ENPP2: variants seen among roughly 807,000 people sequenced by gnomAD.
The protein encoded by ENPP2 is autotaxin.
In ENPP2, 51 loss-of-function variants were observed where a neutral mutation model predicts 120.2. That is an observed-to-expected ratio of 0.42 (90% CI 0.34 to 0.54). The LOEUF (loss-of-function observed/expected upper bound fraction) is 0.54. Ranked by LOEUF, ENPP2 falls within the 20% of genes least tolerant of loss-of-function variation. ENPP2 has a pLI of 0.04. For synonymous variants in ENPP2, 365 were observed against 366.4 expected, an observed-to-expected ratio of 1.00 and a Z score of 0.04; for missense variants, 920 against 1,066.5, an observed-to-expected ratio of 0.86 and a Z score of 1.91.
intron 11 of ENPP2, among the ~76,000 whole-genome samples, chr8:119,599,107 G>C (rs1192336311): frequency 6.6e-6 from 1 of 152,112 alleles, no homozygotes; most frequent in Non-Finnish European, 1.5e-5. Flanking sequence ...AGCCATTCTT[G>C]CTTTGGTGTT....
At chr8:119,634,505 TA>T (rs1816882135) in intron 2 of ENPP2, among the ~76,000 whole-genome samples, 1 of 152,172 alleles carries the variant, frequency 6.6e-6, no homozygotes. Context: ...AATTATCATA[TA>T]CTTAACACCT....
rs1422899365 is a variant in ENPP2 at position 119,669,401 on chromosome 8, TG to T, written c.21+3850del. On this transcript the variant is annotated intron_variant, in intron 1 of 25. Coordinates refer to the ENPP2 transcript ENST00000427067. Reference sequence around the variant, plus strand: ...AGTTAAATCCTCCAGCACCTATTACTGTTTTTTAATAGATAATAAAATCATC... The same window carrying T: ...AGTTAAATCCTCCAGCACCTATTACTTTTTTTAATAGATAATAAAATCATC... Among the ~76,000 whole-genome samples, 54 of 152,366 alleles carry T rather than the reference TG, an allele frequency of 3.5e-4. No individual in the cohort carries two copies. The South Asian group carries it at 0.011, about 32-fold the overall frequency.
chr8:119,597,324 C>T (rs1406925945), intron 11 of ENPP2, among the ~76,000 whole-genome samples: 2 of 152,194 alleles, frequency 1.3e-5, no homozygotes, highest in African/African-American at 2.4e-5. Context: ...GTCGGCCCAT[C>T]AAACTCTATG....
Position 119,579,894 on chromosome 8 carries a change from T to TGTACTTTTCA in ENPP2, c.1780+221_1780+222insTGAAAAGTAC, listed in dbSNP as rs1812608539. Among the ~76,000 whole-genome samples the TGTACTTTTCA allele has an allele frequency of 9.2e-5, 14 of 152,266 alleles. No individual in the cohort carries two copies. In the South Asian group the frequency reaches 2.9e-3, roughly 32 times the overall value. ...ACTTTTCAGAGGGCTTAAAAGCTATTGAGGGGGGAGAAAAGCTATTGGAAT... is the reference window on the plus strand; with the variant it reads ...ACTTTTCAGAGGGCTTAAAAGCTATTGTACTTTTCAGAGGGGGGAGAAAAGCTATTGGAAT... On this transcript the variant is annotated intron_variant, in intron 19 of 24. Transcript: ENST00000075322.
intron 3 of ENPP2, among the ~76,000 whole-genome samples, chr8:119,624,444 A>C (rs60348259): frequency 6.6e-6 from 1 of 152,256 alleles, no homozygotes; most frequent in African/African-American, 2.4e-5. Flanking sequence ...AGAAACATAA[A>C]CTTTCAGAAG....
At chr8:119,559,181 G>A (rs959626714) in intron 24 of ENPP2, among the ~76,000 whole-genome samples, 3 of 152,160 alleles carry the variant, frequency 2.0e-5, no homozygotes, top group South Asian at 2.1e-4. Context: ...GTACTGACCA[G>A]TCCTCAGTGT....
chr8:119,620,600 A>T (rs1815820748), intron 4 of ENPP2, among the ~76,000 whole-genome samples: 2 of 152,252 alleles, frequency 1.3e-5, no homozygotes, highest in Non-Finnish European at 1.5e-5. Context: ...ACTTACAAAC[A>T]ATAGATAAAG....
chr8:119,563,674 G>A (rs1040176487), intron 23 of ENPP2, among the ~76,000 whole-genome samples: 4 of 151,898 alleles, frequency 2.6e-5, no homozygotes, highest in African/African-American at 7.3e-5. Flanking sequence ...TCCTTGCCTG[G>A]TTTTCTATTA....
intron 24 of ENPP2, among the ~76,000 whole-genome samples, chr8:119,561,821 GTGTGTGTGTA>G (rs1460160239): frequency 6.6e-6 from 1 of 151,962 alleles, no homozygotes; most frequent in Non-Finnish European, 1.5e-5. Flanking sequence ...GTGTTTGTGT[GTGTGTGTGTA>G]TGTGTGTGTA....
chr8:119,633,815 T>C (rs1162520032), intron 2 of ENPP2, among the ~76,000 whole-genome samples: 2 of 148,684 alleles, frequency 1.3e-5, no homozygotes, highest in Non-Finnish European at 3.0e-5. Flanking sequence ...CCAGATTTCA[T>C]AAACTTTTTT....
At chr8:119,630,227 G>A (rs1389723876) in intron 2 of ENPP2, among the ~76,000 whole-genome samples, 2 of 151,876 alleles carry the variant, frequency 1.3e-5, no homozygotes, top group Non-Finnish European at 2.9e-5. Flanking sequence ...TCCTGCCTCA[G>A]CCTCCTGAGT....
Position 119,574,894 on chromosome 8 carries a change from A to G in ENPP2, c.1781-4053T>C, listed in dbSNP as rs1812225350. ...GAGATTTGATTTAAGGCCTCTCTTTAGTGCCCTGTTCTTTCTTACCCCAAC... is the reference window on the plus strand; with the variant it reads ...GAGATTTGATTTAAGGCCTCTCTTTGGTGCCCTGTTCTTTCTTACCCCAAC... On this transcript the variant is annotated intron_variant, in intron 19 of 24. Transcript: ENST00000075322. Among the ~76,000 whole-genome samples the G allele has an allele frequency of 2.0e-5, 3 of 152,090 alleles. No homozygotes were observed. The South Asian group carries it at 6.2e-4, about 32-fold the overall frequency.
chr8:119,580,028 G>A, intron 19 of ENPP2, 88 bp downstream of exon 19: 1 of 868,602 alleles, frequency 1.2e-6, no homozygotes, highest in Non-Finnish European at 1.9e-6. Flanking sequence ...AAACAATATT[G>A]TGCTTACACT....
chr8:119,615,996 G>A (rs974018101), intron 8 of ENPP2, among the ~76,000 whole-genome samples: 4 of 151,454 alleles, frequency 2.6e-5, no homozygotes, highest in Admixed American at 2.0e-4. Flanking sequence ...TATATTCTAT[G>A]TGCACATATG....
At chr8:119,618,206 G>A (rs1815612036) in intron 5 of ENPP2, 1 of 430,628 alleles carries the variant, frequency 2.3e-6, no homozygotes, top group Non-Finnish European at 4.6e-6. Flanking sequence ...TGCCCTTTCT[G>A]CCTTGTTCTT....
rs552272702 is a variant in ENPP2, at chr8:119,656,684, T to G, written c.21+16568A>C. On this transcript the variant is annotated intron_variant, in intron 1 of 25. Transcript: ENST00000427067. ...AACAGAAAATATATAAATATATTAG[T>G]TGGTAATGGCAGAATACAGTTATCT... Among the ~76,000 whole-genome samples, 5 of 152,260 alleles carry G rather than the reference T, an allele frequency of 3.3e-5. No homozygotes were observed. In the South Asian group the frequency reaches 1.0e-3, roughly 32 times the overall value.
intron 13 of ENPP2, 27 bp from the exon 14 acceptor site, chr8:119,587,102 A>G (rs754302694): frequency 6.3e-7 from 1 of 1,586,076 alleles, no homozygotes; most frequent in East Asian, 2.2e-5. Context: ...GAAAGATTTC[A>G]AAAGAAATAA....
intron 11 of ENPP2, chr8:119,595,930 C>G: frequency 6.2e-7 from 1 of 1,613,820 alleles, no homozygotes. Context: ...ACTGGTCTTT[C>G]CTGTCTCCTC....
intron 1 of ENPP2, among the ~76,000 whole-genome samples, chr8:119,658,128 T>C (rs1817819761): frequency 6.6e-6 from 1 of 152,222 alleles, no homozygotes; most frequent in African/African-American, 2.4e-5. Flanking sequence ...ACACGTAATA[T>C]TGATTATGTG....
Sources: gnomAD v4.1 joint callset for allele counts (sites outside exome capture counted in the v4.1 genomes callset) on GRCh38, gnomAD v4.1.1 for gene constraint, MANE v1.5 for transcripts, NCBI Gene and HGNC (gene_info 2026-07-23, HGNC 2026-07-21) for gene names.